Variants in DPH6 observed in about 807,000 individuals in gnomAD.
DPH6 encodes the protein diphthamine biosynthesis 6, also known as diphthine--ammonia ligase.
DPH6 carries 33 observed loss-of-function variants against 38.2 expected under a neutral mutation model. That is an observed-to-expected ratio of 0.86 (90% CI 0.65 to 1.15). DPH6 has a LOEUF of 1.15. Among genes scored for constraint, DPH6 ranks in the 50% most tolerant of loss-of-function variants. The pLI is 0.00. For missense variants in DPH6, 325 were observed against 320.0 expected (o/e 1.02, Z -0.12); for synonymous variants, 108 against 103.0 (o/e 1.05, Z -0.30).
intron 5 of DPH6, among the ~76,000 whole-genome samples, chr15:35,426,448 T>G (rs2053571604): frequency 6.6e-6 from 1 of 151,868 alleles, no homozygotes; most frequent in Admixed American, 6.6e-5. Flanking sequence ...ATTTTAATTA[T>G]GTCCATTATT....
At chr15:35,414,038 C>T (rs2053405481) in intron 5 of DPH6, among the ~76,000 whole-genome samples, 2 of 151,578 alleles carry the variant, frequency 1.3e-5, no homozygotes, top group South Asian at 4.1e-4. Context: ...AGGCACTAAA[C>T]AGGCTTCATC....
At chr15:35,521,524 T>A in intron 3 of DPH6, 1 of 1,221,130 alleles carries the variant, frequency 8.2e-7, no homozygotes, top group Non-Finnish European at 1.0e-6. Flanking sequence ...TATGAAGAGT[T>A]GTGTTCAATT....
chr15:35,167,694 T>C, the DPH6 span, among the ~76,000 whole-genome samples: 2 of 151,976 alleles, frequency 1.3e-5, no homozygotes, highest in Admixed American at 6.6e-5. Context: ...ATATAGCAGA[T>C]AATGATCTGT....
At chr15:35,461,667 G>C (rs1428775388) in intron 3 of DPH6, among the ~76,000 whole-genome samples, 1 of 151,876 alleles carries the variant, frequency 6.6e-6, no homozygotes, top group Non-Finnish European at 1.5e-5. Context: ...TGATACCCTG[G>C]AGAGTGGGAA....
chr15:35,369,220 A>G (rs2052688513), downstream of DPH6, among the ~76,000 whole-genome samples: 2 of 151,954 alleles, frequency 1.3e-5, no homozygotes, highest in Non-Finnish European at 2.9e-5. Context: ...CATCAAAGTA[A>G]TTAAGGTCAA....
In DPH6 at chr15:35,410,900, C is replaced by A; in HGVS notation, c.506-4G>T. 2 of 1,600,786 alleles carry A rather than the reference C, an allele frequency of 1.2e-6. No individual in the cohort carries two copies. The highest frequency in any genetic ancestry group is 1.7e-6 in the Non-Finnish European group (2 of 1,173,660). ...AGATGCTTATCAGGATCTAAACCTG[C>A]CAAGAAAGGTTACATTTTTTAAAGA... On this transcript the variant is annotated splice_polypyrimidine_tract_variant and splice_region_variant and intron_variant, in intron 5 of 8. Transcript: ENST00000256538.
At chr15:35,301,411 T>G (rs147761767) in intron 3 of DPH6, among the ~76,000 whole-genome samples, 4 of 152,214 alleles carry the variant, frequency 2.6e-5, no homozygotes, top group Admixed American at 1.3e-4. Flanking sequence ...ATACGAAGAA[T>G]AACATGAAAG....
At chr15:35,294,317 G>T (rs2052000293) in intron 3 of DPH6, among the ~76,000 whole-genome samples, 1 of 152,138 alleles carries the variant, frequency 6.6e-6, no homozygotes, top group South Asian at 2.1e-4. Context: ...AGCTGCCTTA[G>T]ACTTGCTGTT....
the DPH6 span, among the ~76,000 whole-genome samples, chr15:35,186,551 C>G: frequency 6.6e-5 from 10 of 152,198 alleles, no homozygotes; most frequent in African/African-American, 2.4e-4. Context: ...AGGCTGCTAG[C>G]TCTTCTCTGG....
downstream of DPH6, among the ~76,000 whole-genome samples, chr15:35,213,939 C>T (rs550293607): frequency 1.3e-5 from 2 of 152,238 alleles, no homozygotes; most frequent in East Asian, 1.9e-4. Flanking sequence ...GGTGAAACCC[C>T]GTCTCTATTA....
At chr15:35,288,002 A>G (rs1595462163) in intron 3 of DPH6, among the ~76,000 whole-genome samples, 1 of 152,344 alleles carries the variant, frequency 6.6e-6, no homozygotes, top group African/African-American at 2.4e-5. Context: ...AATACCTGAC[A>G]CTGGACCTTT....
chr15:35,310,446 T>A (rs2052131512), intron 3 of DPH6, among the ~76,000 whole-genome samples: 1 of 152,136 alleles, frequency 6.6e-6, no homozygotes, highest in Non-Finnish European at 1.5e-5. Context: ...GAAAAGAGGA[T>A]CTTTTTTCAC....
At chr15:35,253,698 A>C (rs1288642090) in intron 3 of DPH6, among the ~76,000 whole-genome samples, 1 of 152,182 alleles carries the variant, frequency 6.6e-6, no homozygotes, top group African/African-American at 2.4e-5. Flanking sequence ...CTTTTTAAGT[A>C]CCCCTTCAAG....
chr15:35,308,488 A>G (rs1477566661), intron 3 of DPH6, among the ~76,000 whole-genome samples: 1 of 152,156 alleles, frequency 6.6e-6, no homozygotes, highest in Non-Finnish European at 1.5e-5. Flanking sequence ...GGTGGGGAAG[A>G]CCTGAGGAAG....
chr15:35,286,003 T>A (rs949429808), intron 3 of DPH6, among the ~76,000 whole-genome samples: 2 of 150,932 alleles, frequency 1.3e-5, no homozygotes, highest in African/African-American at 4.9e-5. Context: ...ATCATCCAAA[T>A]GCTATTAATA....
chr15:35,361,512 CTTT>C (rs61674855), intron 3 of DPH6, among the ~76,000 whole-genome samples: 2 of 147,344 alleles, frequency 1.4e-5, no homozygotes, highest in Non-Finnish European at 3.0e-5. Flanking sequence ...AATAACCTCT[CTTT>C]TTTTTTTTCC....
intron 3 of DPH6, among the ~76,000 whole-genome samples, chr15:35,229,144 C>T (rs557264773): frequency 2.0e-5 from 3 of 152,096 alleles, no homozygotes; most frequent in East Asian, 1.9e-4. Flanking sequence ...CTATCCCTAT[C>T]GATTTCCCTA....
intron 7 of DPH6, among the ~76,000 whole-genome samples, chr15:35,381,404 T>C (rs1040504368): frequency 5.1e-4 from 77 of 152,320 alleles, no homozygotes; most frequent in African/African-American, 1.8e-3. Flanking sequence ...ATTACCATTC[T>C]GAGTTGTTAA....
chr15:35,382,697 A>G (rs547145936), intron 6 of DPH6, among the ~76,000 whole-genome samples: 1 of 152,290 alleles, frequency 6.6e-6, no homozygotes, highest in South Asian at 2.1e-4. Context: ...GAAGTCACAT[A>G]CATGTTTATT....
Sources: gnomAD v4.1 joint callset for allele counts (sites outside exome capture counted in the v4.1 genomes callset) on GRCh38, gnomAD v4.1.1 for gene constraint, MANE v1.5 for transcripts, NCBI Gene and HGNC (gene_info 2026-07-23, HGNC 2026-07-21) for gene names.